The following PDE4D variants were observed in gnomAD, a reference collection of about 807,000 sequenced individuals.
PDE4D encodes the protein 3',5'-cyclic-AMP phosphodiesterase 4D.
A neutral mutation model predicts 87.4 loss-of-function variants in PDE4D; 24 were observed. The ratio of observed to expected loss-of-function variants is 0.27; its 90% CI spans 0.20 to 0.39. The LOEUF (loss-of-function observed/expected upper bound fraction) is 0.39. PDE4D is among the 10% of genes least tolerant of loss of function. PDE4D has a pLI of 1.00. For missense variants in PDE4D, 714 were observed against 1,041.0 expected (o/e 0.69, Z 4.32); for synonymous variants, 384 against 383.2 (o/e 1.00, Z -0.02).
intron 1 of PDE4D, among the ~76,000 whole-genome samples, chr5:59,407,781 A>T (rs1365431593): frequency 2.6e-5 from 4 of 152,228 alleles, no homozygotes; most frequent in Non-Finnish European, 5.9e-5. Flanking sequence ...TGAAAGTTTG[A>T]ACTTAAGAGT....
At chr5:59,318,748 A>T (rs930324604) in intron 1 of PDE4D, among the ~76,000 whole-genome samples, 1 of 152,094 alleles carries the variant, frequency 6.6e-6, no homozygotes, top group African/African-American at 2.4e-5. Flanking sequence ...CTTTTTTCAC[A>T]ATCTCTGGAT....
chr5:59,578,987 AAAG>A (rs200128485), intron 1 of PDE4D, among the ~76,000 whole-genome samples: 2,611 of 152,100 alleles, frequency 0.017, 81 homozygotes, highest in African/African-American at 0.059. Context: ...CAAAATTTTG[AAAG>A]AAGTAGTTTG....
chr5:60,190,323 T>A (rs533735450), intron 1 of PDE4D, among the ~76,000 whole-genome samples: 12 of 152,332 alleles, frequency 7.9e-5, no homozygotes, highest in Middle Eastern at 3.4e-3. Flanking sequence ...AATGTGAACA[T>A]CTGCTTCAGT....
At chr5:59,327,467 C>A (rs1026304044) in intron 1 of PDE4D, among the ~76,000 whole-genome samples, 8 of 151,918 alleles carry the variant, frequency 5.3e-5, no homozygotes, top group Non-Finnish European at 1.0e-4. Flanking sequence ...CTTAAGAAAG[C>A]GATAGCACAA....
chr5:59,709,708 GGGA>G (rs1279935832), intron 1 of PDE4D, among the ~76,000 whole-genome samples: 1 of 152,170 alleles, frequency 6.6e-6, no homozygotes, highest in Non-Finnish European at 1.5e-5. Flanking sequence ...TCCTACTGAG[GGGA>G]GGAGGAGACC....
intron 6 of PDE4D, among the ~76,000 whole-genome samples, chr5:59,026,946 T>A (rs956881997): frequency 6.6e-6 from 1 of 152,202 alleles, no homozygotes; most frequent in East Asian, 1.9e-4. Flanking sequence ...TACTGATACA[T>A]TATTATTAAA....
At chr5:59,830,698 G>A (rs764211639) in intron 1 of PDE4D, among the ~76,000 whole-genome samples, 3 of 152,052 alleles carry the variant, frequency 2.0e-5, no homozygotes, top group Non-Finnish European at 4.4e-5. Flanking sequence ...AGAACGTGTA[G>A]AGAATTGAAA....
chr5:59,249,042 C>T, intron 1 of PDE4D, among the ~76,000 whole-genome samples: 1 of 151,746 alleles, frequency 6.6e-6, no homozygotes. Flanking sequence ...AAAAAGGGGA[C>T]TAAAAATTGG....
intron 5 of PDE4D, among the ~76,000 whole-genome samples, chr5:59,159,135 ACT>A (rs1780659892): frequency 1.1e-5 from 1 of 90,428 alleles, no homozygotes; most frequent in African/African-American, 3.4e-5. Context: ...TTCTTACGAT[ACT>A]CTGTGGTACA....
At chr5:59,556,047 C>G (rs1818852867) in intron 1 of PDE4D, among the ~76,000 whole-genome samples, 1 of 152,066 alleles carries the variant, frequency 6.6e-6, no homozygotes, top group South Asian at 2.1e-4. Flanking sequence ...GTCTTTTGTG[C>G]TTTCTGGAAG....
chr5:58,987,694 T>G (rs1746793061), intron 11 of PDE4D, among the ~76,000 whole-genome samples: 1 of 152,176 alleles, frequency 6.6e-6, no homozygotes, highest in African/African-American at 2.4e-5. Context: ...CTTTGCATAT[T>G]TTTTATATAT....
intron 5 of PDE4D, among the ~76,000 whole-genome samples, chr5:59,107,814 G>C (rs1771887081): frequency 6.6e-6 from 1 of 152,166 alleles, no homozygotes. Flanking sequence ...GCCAGTTCTG[G>C]GCTTAAACAT....
chr5:60,335,539 C>A (rs568778358), intron 1 of PDE4D, among the ~76,000 whole-genome samples: 1 of 152,220 alleles, frequency 6.6e-6, no homozygotes, highest in Admixed American at 6.5e-5. Context: ...CAAGGATTCA[C>A]AATTGTAAGC....
At chr5:59,981,395 C>T (rs1433756385) in intron 3 of PDE4D, among the ~76,000 whole-genome samples, 1 of 152,176 alleles carries the variant, frequency 6.6e-6, no homozygotes, top group African/African-American at 2.4e-5. Context: ...TTTAGATAAA[C>T]ACTACAATCA....
intron 1 of PDE4D, among the ~76,000 whole-genome samples, chr5:59,244,702 G>GTC (rs1758472663): frequency 6.8e-6 from 1 of 146,764 alleles, no homozygotes; most frequent in East Asian, 2.0e-4. Flanking sequence ...GTGTGTGTGT[G>GTC]TGTGTGTGTG....
chr5:59,426,797 A>C (rs994187451), intron 1 of PDE4D, among the ~76,000 whole-genome samples: 2 of 152,180 alleles, frequency 1.3e-5, no homozygotes, highest in Non-Finnish European at 2.9e-5. Flanking sequence ...TGATTAAAAA[A>C]AAATGTGACT....
At chr5:60,465,093 C>A (rs997221643) in intron 1 of PDE4D, among the ~76,000 whole-genome samples, 26 of 151,648 alleles carry the variant, frequency 1.7e-4, no homozygotes, top group African/African-American at 4.8e-5. Flanking sequence ...TAAGTGACAG[C>A]ACAACTTCAT....
At chr5:60,082,244 A>C (rs1248824493) in intron 2 of PDE4D, among the ~76,000 whole-genome samples, 1 of 152,172 alleles carries the variant, frequency 6.6e-6, no homozygotes, top group Admixed American at 6.5e-5. Context: ...GAGTCCTAAT[A>C]AATGGGATTA....
At chr5:60,358,034 T>C (rs930492279) in intron 1 of PDE4D, among the ~76,000 whole-genome samples, 6 of 152,200 alleles carry the variant, frequency 3.9e-5, no homozygotes, top group African/African-American at 1.4e-4. Context: ...CTCTATTTTA[T>C]AGATCAAAAC....
Sources: allele counts gnomAD v4.1 joint callset (sites outside exome capture counted in the v4.1 genomes callset), GRCh38; gene constraint gnomAD v4.1.1; transcripts MANE v1.5; gene names NCBI Gene and HGNC (gene_info 2026-07-23, HGNC 2026-07-21).